EIF4ENIF1: variants seen among roughly 807,000 people sequenced by gnomAD.
EIF4ENIF1 encodes eukaryotic translation initiation factor 4E nuclear import factor 1, also known as eukaryotic translation initiation factor 4E transporter.
EIF4ENIF1 carries 23 observed loss-of-function variants against 110.5 expected under a neutral mutation model. The ratio of observed to expected loss-of-function variants is 0.21; its 90% CI spans 0.15 to 0.29. The LOEUF is 0.29. Among genes scored for constraint, EIF4ENIF1 ranks in the 10% least tolerant of loss-of-function variants. The pLI is 1.00. For synonymous variants in EIF4ENIF1, 440 were observed against 437.0 expected, an observed-to-expected ratio of 1.01 and a Z score of -0.09; for missense variants, 1,031 against 1,221.1, an observed-to-expected ratio of 0.84 and a Z score of 2.32.
intron 7 of EIF4ENIF1, among the ~76,000 whole-genome samples, chr22:31,456,455 C>G (rs936115789): frequency 3.3e-5 from 5 of 151,974 alleles, no homozygotes; most frequent in Non-Finnish European, 7.4e-5. Flanking sequence ...GATCTCCTGA[C>G]CTTGTGATCC....
At chr22:31,465,341 A>AAC (rs58000817) in intron 4 of EIF4ENIF1, among the ~76,000 whole-genome samples, 70 of 151,718 alleles carry the variant, frequency 4.6e-4, no homozygotes, top group African/African-American at 1.7e-3. Flanking sequence ...AAAAAAAAAA[A>AAC]CCAACACAAT....
Position 31,440,897 on chromosome 22 carries a change from G to A in EIF4ENIF1, c.2552-29C>T, listed in dbSNP as rs1319065653. On this transcript the variant is annotated intron_variant, in intron 17 of 18. Coordinates refer to ENST00000330125, the MANE Select transcript of EIF4ENIF1 (RefSeq NM_019843.4). ...TTGAGCAGAAAAAGCAAGCAGCTGAGTAGTCTTAATGTTACCTGGAAGTTT... is the reference window on the plus strand; with the variant it reads ...TTGAGCAGAAAAAGCAAGCAGCTGAATAGTCTTAATGTTACCTGGAAGTTT... 3.1e-6 allele frequency: 5 copies of A among 1,612,792 alleles called. No individual in the cohort carries two copies. In the Admixed American group the frequency reaches 5.0e-5, roughly 16 times the overall value.
At chr22:31,477,496 C>A (rs1012580453) in intron 2 of EIF4ENIF1, among the ~76,000 whole-genome samples, 8 of 152,010 alleles carry the variant, frequency 5.3e-5, no homozygotes, top group African/African-American at 1.9e-4. Context: ...ACCAACTACT[C>A]TCAGTTAAGA....
At chr22:31,492,066 ATGG>A (rs1474031684), upstream of EIF4ENIF1, among the ~76,000 whole-genome samples, 4 of 152,198 alleles carry the variant, frequency 2.6e-5, no homozygotes, top group Non-Finnish European at 1.5e-5. Flanking sequence ...CTGGTGGTTG[ATGG>A]TGGCTGTCAG....
intron 2 of EIF4ENIF1, among the ~76,000 whole-genome samples, chr22:31,484,677 G>A (rs1273704275): frequency 2.6e-5 from 4 of 152,082 alleles, no homozygotes; most frequent in Non-Finnish European, 5.9e-5. Context: ...CTACTAAAAA[G>A]ACAAAAATTA....
At chr22:31,450,844 T>TAACACACAC (rs1555904270) in intron 10 of EIF4ENIF1, 1 of 120,970 alleles carries the variant, frequency 8.3e-6, no homozygotes, top group Admixed American at 8.7e-5. Flanking sequence ...ATATATATAC[T>TAACACACAC]ACACACACAC....
chr22:31,477,537 G>A (rs944959109), intron 2 of EIF4ENIF1, among the ~76,000 whole-genome samples: 2 of 152,060 alleles, frequency 1.3e-5, no homozygotes, highest in African/African-American at 2.4e-5. Context: ...TTTCACTTCC[G>A]TATTCCAGTT....
chr22:31,448,033 G>A, intron 13 of EIF4ENIF1, 120 bp downstream of exon 13: 1 of 1,082,696 alleles, frequency 9.2e-7, no homozygotes, highest in Non-Finnish European at 1.4e-6. Context: ...ACGGGCATGA[G>A]CCACTATGCC....
chr22:31,458,355 A>T (rs76080251), intron 7 of EIF4ENIF1, 120 bp downstream of exon 7: 1 of 786,976 alleles, frequency 1.3e-6, no homozygotes, highest in Non-Finnish European at 1.8e-6. Context: ...AAATTTAAAT[A>T]TGTAAGAATA....
upstream of EIF4ENIF1, among the ~76,000 whole-genome samples, chr22:31,490,132 C>A (rs574159913): frequency 2.5e-3 from 376 of 152,330 alleles, no homozygotes; most frequent in Non-Finnish European, 3.6e-3. Context: ...ACCGCCGCCG[C>A]GTTCCCACGC....
chr22:31,448,210 C>G lies in EIF4ENIF1; in HGVS notation c.1791G>C (p.Gln597His). 1 of 1,614,162 alleles carries G rather than the reference C, an allele frequency of 6.2e-7. No homozygotes were observed. The highest frequency in any genetic ancestry group is 1.1e-5 in the South Asian group (1 of 91,088). ...SPIGFTPGPQ[Q>H]LLGDPFQGMR... ...TGCCTTGGAATGGATCTCCGAGTAG[C>G]TGCTGTGGTCCTGGTGTGAAACCTG... The change falls in exon 13 of 19, where the codon CAG becomes CAC. Residue 597 changes from glutamine (Q) to histidine (H), a missense_variant. By Grantham distance (24) the Gln-to-His change is conservative. This residue lies in a region of EIF4ENIF1 where 704 missense variants were observed against 879.7 expected (regional missense o/e 0.80). Coordinates refer to ENST00000330125, the MANE Select transcript of EIF4ENIF1 (RefSeq NM_019843.4).
chr22:31,488,602 T>C, intron 2 of EIF4ENIF1, 21 bp downstream of exon 2: 1 of 1,614,090 alleles, frequency 6.2e-7, no homozygotes, highest in Non-Finnish European at 8.5e-7. Flanking sequence ...GAAACACTAT[T>C]TCATTAGTGG....
chr22:31,450,751 CACACATACATATATACATACATATAT>C (rs1158195753), intron 10 of EIF4ENIF1: 2 of 268,196 alleles, frequency 7.5e-6, no homozygotes, highest in East Asian at 1.8e-4. Flanking sequence ...CTCATATATA[CACACATACATATATACATACATATAT>C]ACACACACAT....
intron 2 of EIF4ENIF1, among the ~76,000 whole-genome samples, chr22:31,483,798 T>A (rs1447051785): frequency 1.3e-5 from 2 of 152,166 alleles, no homozygotes; most frequent in East Asian, 3.8e-4. Context: ...ACTTTAAAAA[T>A]GCATACTTAG....
At chr22:31,480,272 C>A (rs1333668485) in intron 2 of EIF4ENIF1, among the ~76,000 whole-genome samples, 1 of 152,140 alleles carries the variant, frequency 6.6e-6, no homozygotes, top group Non-Finnish European at 1.5e-5. Flanking sequence ...AGTATGAACA[C>A]CCACTTTTGG....
intron 2 of EIF4ENIF1, among the ~76,000 whole-genome samples, chr22:31,487,962 C>T (rs932035842): frequency 6.6e-6 from 1 of 152,074 alleles, no homozygotes; most frequent in Admixed American, 6.5e-5. Flanking sequence ...AATGAATTTA[C>T]AATTTGAGTC....
At chr22:31,482,767 TAATC>T (rs1330293560) in intron 2 of EIF4ENIF1, among the ~76,000 whole-genome samples, 3 of 151,974 alleles carry the variant, frequency 2.0e-5, no homozygotes, top group Admixed American at 6.5e-5. Context: ...CTCACGCCTG[TAATC>T]AGAGCACTTT....
chr22:31,461,437 AGGTTTTTTT>A (rs922864114), intron 6 of EIF4ENIF1, among the ~76,000 whole-genome samples: 15 of 152,016 alleles, frequency 9.9e-5, no homozygotes, highest in African/African-American at 2.2e-4. Flanking sequence ...TGAGGAAACT[AGGTTTTTTT>A]GGTTTTTTTG....
chr22:31,450,559 A>G (rs758292576), intron 10 of EIF4ENIF1, 199 bp from the exon 11 acceptor site: 1 of 456,470 alleles, frequency 2.2e-6, no homozygotes, highest in South Asian at 2.1e-5. Flanking sequence ...GACCGTTCAC[A>G]TGTACATGCA....
Sources: gnomAD v4.1 joint callset for allele counts (sites outside exome capture counted in the v4.1 genomes callset) on GRCh38, gnomAD v4.1.1 for gene constraint, gnomAD v4.1.1 regional missense constraint, MANE v1.5 for transcripts, NCBI Gene and HGNC (gene_info 2026-07-23, HGNC 2026-07-21) for gene names.